The following BFAR variants were observed in gnomAD, a reference collection of about 807,000 sequenced individuals.
BFAR encodes bifunctional apoptosis regulator.
Under a neutral mutation model 54.4 loss-of-function variants are expected in BFAR, and 52 were observed. That is an observed-to-expected ratio of 0.96 (90% confidence interval 0.77 to 1.21). The LOEUF (loss-of-function observed/expected upper bound fraction) is 1.21. Among genes scored for constraint, BFAR ranks in the 50% most tolerant of loss-of-function variants. The pLI is 0.00. For synonymous variants in BFAR, 215 were observed against 204.3 expected (o/e 1.05, Z -0.45); for missense variants, 571 against 534.0 (o/e 1.07, Z -0.68).
rs1245051314 is a variant in BFAR at position 14,655,038 on chromosome 16, A to AAAT, written c.639-25_639-23dup. 1.9e-6 allele frequency: 3 copies of AAAT among 1,580,086 alleles called. No individual in the cohort carries two copies. In the Admixed American group the frequency reaches 5.9e-5, roughly 31 times the overall value. On this transcript the variant is annotated intron_variant, in intron 4 of 7. Transcript: ENST00000261658. ...AGTTTGCTTCCAGTATATAATCGCAAAATAAATCTCCTCCTGCCCCTCTAC... is the reference window on the plus strand; with the variant it reads ...AGTTTGCTTCCAGTATATAATCGCAAAATAATAAATCTCCTCCTGCCCCTCTAC...
Position 14,648,321 on chromosome 16 carries a change from T to C in BFAR, c.264-67T>C, listed in dbSNP as rs1280238576. ...TTATTAGATGTTGACTATCAGGGCT[T>C]TTTTGGCCTCTAAACATGATATTTA... On this transcript the variant is annotated intron_variant, in intron 2 of 7. Transcript: ENST00000261658. 4 of 1,295,822 alleles carry C rather than the reference T, an allele frequency of 3.1e-6. No individual in the cohort carries two copies. In the African/African-American group the frequency reaches 5.9e-5, roughly 19 times the overall value. 80.3% of individuals were successfully genotyped at this position (1,295,822 alleles called of 1,614,324 possible). A position where few individuals can be genotyped will look rare whatever the true frequency, so the allele number is the denominator to read the frequency against.
intron 5 of BFAR, among the ~76,000 whole-genome samples, chr16:14,656,601 C>T (rs1960135721): frequency 6.6e-6 from 1 of 152,060 alleles, no homozygotes; most frequent in Non-Finnish European, 1.5e-5. Context: ...CTGTTTCCTC[C>T]TGGGTAAATA....
Position 14,669,129 on chromosome 16 carries a change from C to A in BFAR, c.*1302C>A. 2.4e-6 allele frequency: 1 copy of A among 414,742 alleles called. No homozygotes were observed. The highest frequency in any genetic ancestry group is 4.9e-6 in the Non-Finnish European group (1 of 204,232). 25.7% of individuals were successfully genotyped at this position (414,742 alleles called of 1,614,324 possible). On this transcript the variant is annotated 3_prime_UTR_variant, in exon 8 of 8. Coordinates refer to ENST00000261658, the MANE Select transcript of BFAR (RefSeq NM_016561.3). ...TTATCTTGTGACTCCATGAACCATT[C>A]ATTAACCCTTTGTATCTTTGAGTGA... is the stretch of plus-strand genomic sequence containing the variant.
At chr16:14,637,741 A>G (rs1247840030) in intron 1 of BFAR, among the ~76,000 whole-genome samples, 9 of 152,016 alleles carry the variant, frequency 5.9e-5, no homozygotes, top group African/African-American at 2.2e-4. Context: ...AGGCAGGAGA[A>G]TCGCTTGAAC....
chr16:14,650,131 G>C lies in BFAR; in HGVS notation c.638+158G>C, dbSNP rs956501742. ...GAGGTCAGGAGTTCCAGACCAGCCT[G>C]ACCAATATGATGAAACCCCATCTCT... On this transcript the variant is annotated intron_variant, in intron 4 of 7. Coordinates refer to ENST00000261658, the MANE Select transcript of BFAR (RefSeq NM_016561.3). 4 of 638,214 alleles carry C rather than the reference G, an allele frequency of 6.3e-6. No individual in the cohort carries two copies. In the African/African-American group the frequency reaches 7.5e-5, roughly 12 times the overall value. The allele number at this position is 638,214 out of a possible 1,614,324, so 39.5% of individuals were successfully genotyped here.
intron 1 of BFAR, among the ~76,000 whole-genome samples, chr16:14,635,208 G>A (rs1195118338): frequency 1.3e-5 from 2 of 152,084 alleles, no homozygotes; most frequent in Admixed American, 6.6e-5. Flanking sequence ...GGTGGTGGAC[G>A]CCTGTAGTTC....
rs544347497 is a variant in BFAR, at chr16:14,664,104, G to A, written c.958-765G>A. On this transcript the variant is annotated intron_variant, in intron 6 of 7. Transcript: ENST00000261658. ...CTAAAAATACAAAAATTAGCCGGGC[G>A]TGGTGGTATACACCTTTAATCCCAG... is the stretch of plus-strand genomic sequence containing the variant. Among the ~76,000 whole-genome samples, 10 of 152,132 alleles carry A rather than the reference G, an allele frequency of 6.6e-5. No homozygotes were observed. The East Asian group carries it at 1.2e-3, about 18-fold the overall frequency.
chr16:14,639,006 C>T (rs1159485648), intron 1 of BFAR, among the ~76,000 whole-genome samples: 4 of 151,330 alleles, frequency 2.6e-5, no homozygotes, highest in African/African-American at 4.9e-5. Flanking sequence ...CTTTAATAAA[C>T]GCAGTAAGAA....
At chr16:14,642,644 A>G (rs957697323) in intron 1 of BFAR, among the ~76,000 whole-genome samples, 37 of 152,200 alleles carry the variant, frequency 2.4e-4, no homozygotes, top group African/African-American at 8.9e-4. Flanking sequence ...ATATTGAGCC[A>G]TGGCAGATTT....
rs1960093022 is a variant in BFAR at position 14,655,199 on chromosome 16, T to C, written c.772T>C (p.Trp258Arg). 6 of 1,521,000 alleles carry C rather than the reference T, an allele frequency of 3.9e-6. No individual in the cohort carries two copies. The highest frequency in any genetic ancestry group is 2.2e-5 in the Admixed American group (1 of 45,846). 94.2% of individuals were successfully genotyped at this position (1,521,000 alleles called of 1,614,324 possible). A position where few individuals can be genotyped will look rare whatever the true frequency, so the allele number is the denominator to read the frequency against. The change falls in exon 5 of 8, where the codon TGG (tryptophan) becomes CGG (arginine). Residue 258 changes from tryptophan (W) to arginine (R), a missense_variant. Coordinates refer to ENST00000261658, the MANE Select transcript of BFAR (RefSeq NM_016561.3). ...AGGCGTGAAGCCCCCCCAGAATCTC[T>C]GGGAATATAAGGTGAACACTTTAAT... ...ALGVKPPQNLWEYKAVNPGRS... is the reference protein window; with the variant it reads ...ALGVKPPQNLREYKAVNPGRS...
At chr16:14,644,194 A>T in intron 1 of BFAR, 80 bp from the exon 2 acceptor site, 2 of 788,642 alleles carry the variant, frequency 2.5e-6, no homozygotes, top group Non-Finnish European at 4.0e-6. Flanking sequence ...GCGCTTCAAT[A>T]GAATGTCAAT....
At position 14,644,322 on chromosome 16, in the gene BFAR, T is replaced by A; in HGVS notation, c.-25T>A. 6.2e-7 allele frequency: 1 copy of A among 1,607,784 alleles called. No individual in the cohort carries two copies. The highest frequency in any genetic ancestry group is 8.5e-7 in the Non-Finnish European group (1 of 1,175,170). Reference sequence around the variant, plus strand: ...TTCTACGTCTGAAATTTTTTATGTCTCTGGAACCCAGAATTTGCTAAGAGA... The same window carrying A: ...TTCTACGTCTGAAATTTTTTATGTCACTGGAACCCAGAATTTGCTAAGAGA... On this transcript the variant is annotated 5_prime_UTR_variant, in exon 2 of 8. Coordinates refer to ENST00000261658, the MANE Select transcript of BFAR (RefSeq NM_016561.3).
At chr16:14,645,536 A>G (rs1959767400) in intron 2 of BFAR, among the ~76,000 whole-genome samples, 1 of 152,110 alleles carries the variant, frequency 6.6e-6, no homozygotes, top group Non-Finnish European at 1.5e-5. Context: ...TGAGGCTTAA[A>G]TCCTCTTCCC....
chr16:14,661,924 A>C lies in BFAR; in HGVS notation c.816A>C (p.Leu272=), dbSNP rs146402847. 6 of 1,614,006 alleles carry C rather than the reference A, an allele frequency of 3.7e-6. No homozygotes were observed. The highest frequency in any genetic ancestry group is 5.1e-6 in the Non-Finnish European group (6 of 1,180,018). The change falls in exon 6 of 8, where the codon CTA becomes CTC. Residue 272 remains leucine, a synonymous_variant. Coordinates refer to ENST00000261658, the MANE Select transcript of BFAR (RefSeq NM_016561.3). ...ACCCAGGCAGGTCCCTGTTCCTGCTATACGCCCTCAAGAGCTCCCCCAGGC... is the reference window on the plus strand; with the variant it reads ...ACCCAGGCAGGTCCCTGTTCCTGCTCTACGCCCTCAAGAGCTCCCCCAGGC... ...AVNPGRSLFL[L]YALKSSPRLS...
Position 14,664,990 on chromosome 16 carries a change from G to A in BFAR, c.1079G>A (p.Arg360Gln), listed in dbSNP as rs1169599037. ...DWLEVHYWTS[R>Q]FLIINAMLLS... Reference sequence around the variant, plus strand: ...TTGGAGGTCCATTACTGGACATCACGGTTTCTCATCATCAATGCTATGTTA... The same window carrying A: ...TTGGAGGTCCATTACTGGACATCACAGTTTCTCATCATCAATGCTATGTTA... Residue 360 changes from arginine to glutamine, a missense_variant, in exon 7 of 8, where the codon CGG becomes CAG. Physicochemically the swap from Arg to Gln is conservative, Grantham distance 43. Transcript: ENST00000261658. 10 of 1,613,928 alleles carry A rather than the reference G, an allele frequency of 6.2e-6. No homozygotes were observed. Among genetic ancestry groups the A allele is most frequent in the East Asian group, 4.5e-5 (2 of 44,888 alleles).
chr16:14,651,549 TCAACTCAACTG>T (rs1249539195), intron 4 of BFAR, among the ~76,000 whole-genome samples: 3 of 151,930 alleles, frequency 2.0e-5, no homozygotes, highest in Admixed American at 6.6e-5. Flanking sequence ...TGGCACAACC[TCAACTCAACTG>T]CAATCTCTGT....
intron 4 of BFAR, among the ~76,000 whole-genome samples, chr16:14,654,769 A>G (rs1457671222): frequency 4.6e-5 from 7 of 152,194 alleles, no homozygotes; most frequent in African/African-American, 1.7e-4. Flanking sequence ...AGCTGGGATT[A>G]TAGGCATGAG....
chr16:14,633,874 A>C (rs1029202266), intron 1 of BFAR, among the ~76,000 whole-genome samples: 3 of 152,142 alleles, frequency 2.0e-5, no homozygotes, highest in African/African-American at 7.2e-5. Context: ...ACTGTTCTCG[A>C]ACTCCTGGCC....
chr16:14,634,778 G>A (rs527869432), intron 1 of BFAR, among the ~76,000 whole-genome samples: 3 of 152,324 alleles, frequency 2.0e-5, no homozygotes, highest in Non-Finnish European at 4.4e-5. Flanking sequence ...ACGCGATTTG[G>A]AACCCAGATC....
Sources: allele counts gnomAD v4.1 joint callset (sites outside exome capture counted in the v4.1 genomes callset), GRCh38; gene constraint gnomAD v4.1.1; transcripts MANE v1.5; gene names NCBI Gene and HGNC (gene_info 2026-07-23, HGNC 2026-07-21).